CLYBL: variants seen among roughly 807,000 people sequenced by gnomAD.
CLYBL encodes the protein citramalyl-CoA lyase, mitochondrial.
Under a neutral mutation model 38.9 loss-of-function variants are expected in CLYBL, and 31 were observed. The observed-to-expected ratio is 0.80, with a 90% CI of 0.60 to 1.08. The LOEUF (loss-of-function observed/expected upper bound fraction) is 1.08. Among genes scored for constraint, CLYBL ranks in the 50% least tolerant of loss-of-function variants. The probability of loss-of-function intolerance (pLI) is 0.00; values close to 1 mark genes in which losing one functional copy is unlikely to be tolerated. For missense variants in CLYBL, 434 were observed against 411.6 expected (o/e 1.05, Z -0.47); for synonymous variants, 171 against 158.6 (o/e 1.08, Z -0.59).
At chr13:99,715,971 AAAT>A (rs905292800) in intron 1 of CLYBL, among the ~76,000 whole-genome samples, 37 of 152,138 alleles carry the variant, frequency 2.4e-4, no homozygotes, top group Non-Finnish European at 8.8e-5. Flanking sequence ...AAGCGGAGAC[AAAT>A]ACTAATAATA....
chr13:99,748,506 C>G (rs2048897206), intron 1 of CLYBL, among the ~76,000 whole-genome samples: 1 of 122,002 alleles, frequency 8.2e-6, no homozygotes, highest in African/African-American at 3.3e-5. Flanking sequence ...GTGGCACGAT[C>G]TCGGCTCACT....
intron 2 of CLYBL, among the ~76,000 whole-genome samples, chr13:99,821,651 G>A (rs1315526322): frequency 6.6e-6 from 1 of 152,208 alleles, no homozygotes; most frequent in African/African-American, 2.4e-5. Flanking sequence ...GACTCAGGAG[G>A]ACTTAGTTCT....
intron 1 of CLYBL, among the ~76,000 whole-genome samples, chr13:99,686,013 A>T (rs996795642): frequency 6.6e-6 from 1 of 152,142 alleles, no homozygotes; most frequent in African/African-American, 2.4e-5. Context: ...TCCCTGTGAT[A>T]AGAGTGCTGT....
At chr13:99,643,408 T>C (rs1026310849) in intron 1 of CLYBL, among the ~76,000 whole-genome samples, 2 of 152,252 alleles carry the variant, frequency 1.3e-5, no homozygotes, top group Non-Finnish European at 2.9e-5. Flanking sequence ...CCTCAGGTTT[T>C]CTGCCAATAC....
intron 1 of CLYBL, among the ~76,000 whole-genome samples, chr13:99,668,573 G>A (rs1337803158): frequency 6.8e-5 from 8 of 117,232 alleles, no homozygotes; most frequent in African/African-American, 2.4e-4. Context: ...GAGACAGAGC[G>A]AAACTCCATC....
At chr13:99,614,396 C>G (rs2046675648) in intron 1 of CLYBL, among the ~76,000 whole-genome samples, 1 of 152,156 alleles carries the variant, frequency 6.6e-6, no homozygotes, top group African/African-American at 2.4e-5. Context: ...GTATGCACAT[C>G]ATGCAGACCA....
At chr13:99,774,024 G>A (rs1020150922) in intron 2 of CLYBL, among the ~76,000 whole-genome samples, 1 of 151,410 alleles carries the variant, frequency 6.6e-6, no homozygotes, top group Non-Finnish European at 1.5e-5. Context: ...GAGCTCAGGA[G>A]TTTGAGACCA....
intron 1 of CLYBL, among the ~76,000 whole-genome samples, chr13:99,654,804 G>C (rs1221369625): frequency 1.3e-5 from 2 of 152,128 alleles, no homozygotes; most frequent in African/African-American, 4.8e-5. Context: ...AGGAGATCTA[G>C]ACCATCCTGG....
chr13:99,660,582 A>T (rs1404220781), intron 1 of CLYBL, among the ~76,000 whole-genome samples: 2 of 152,178 alleles, frequency 1.3e-5, no homozygotes, highest in African/African-American at 4.8e-5. Flanking sequence ...TAGTCTCTCT[A>T]GTCTTTGATT....
chr13:99,691,430 C>G (rs2047900529), intron 1 of CLYBL, among the ~76,000 whole-genome samples: 1 of 151,972 alleles, frequency 6.6e-6, no homozygotes, highest in East Asian at 1.9e-4. Flanking sequence ...GAATCACTCC[C>G]CATTATCTCT....
intron 2 of CLYBL, among the ~76,000 whole-genome samples, chr13:99,776,651 C>G (rs115548191): frequency 6.6e-6 from 1 of 151,810 alleles, no homozygotes; most frequent in Non-Finnish European, 1.5e-5. Context: ...TTGACATGCA[C>G]ATCATATGAA....
chr13:99,608,599 T>G (rs1006361804), intron 1 of CLYBL, among the ~76,000 whole-genome samples: 1 of 152,062 alleles, frequency 6.6e-6, no homozygotes, highest in Non-Finnish European at 1.5e-5. Flanking sequence ...TGTGACCTGT[T>G]CAGTAGCGGG....
intron 1 of CLYBL, among the ~76,000 whole-genome samples, chr13:99,661,757 T>G (rs1239848276): frequency 1.3e-5 from 2 of 152,246 alleles, no homozygotes; most frequent in Non-Finnish European, 2.9e-5. Flanking sequence ...TGCTATTTTA[T>G]TTCAGGTGGG....
At chr13:99,836,232 T>C (rs2050931237) in intron 2 of CLYBL, among the ~76,000 whole-genome samples, 1 of 151,978 alleles carries the variant, frequency 6.6e-6, no homozygotes, top group Non-Finnish European at 1.5e-5. Context: ...CGTTGGTTGG[T>C]GAGGCGAAGG....
At chr13:99,651,937 GA>G (rs59071319) in intron 1 of CLYBL, among the ~76,000 whole-genome samples, 3 of 151,768 alleles carry the variant, frequency 2.0e-5, no homozygotes, top group Admixed American at 6.6e-5. Flanking sequence ...ATCTTGGGGG[GA>G]AAAAAAGATT....
At chr13:99,703,975 T>C (rs1338213958) in intron 1 of CLYBL, among the ~76,000 whole-genome samples, 1 of 152,194 alleles carries the variant, frequency 6.6e-6, no homozygotes, top group Non-Finnish European at 1.5e-5. Flanking sequence ...AGCTTATGCA[T>C]GTGGAGATAT....
intron 2 of CLYBL, among the ~76,000 whole-genome samples, chr13:99,781,222 G>A (rs556904674): frequency 6.1e-4 from 92 of 151,366 alleles, no homozygotes; most frequent in Admixed American, 1.3e-3. Context: ...GCAGGCTGGA[G>A]TGCAGTGGTG....
chr13:99,753,051 C>T (rs951861231), intron 1 of CLYBL, among the ~76,000 whole-genome samples: 1 of 151,976 alleles, frequency 6.6e-6, no homozygotes, highest in African/African-American at 2.4e-5. Context: ...GTAGGCTGAG[C>T]CTTGAGGGAT....
At chr13:99,770,625 A>G (rs4772243) in intron 1 of CLYBL, among the ~76,000 whole-genome samples, 29,645 of 150,434 alleles carry the variant, frequency 0.2, 2,998 homozygotes, top group East Asian at 0.25. Flanking sequence ...TCTGGTCTCA[A>G]ACTCTCTACC....
Sources: allele counts gnomAD v4.1 joint callset (sites outside exome capture counted in the v4.1 genomes callset), GRCh38; gene constraint gnomAD v4.1.1; transcripts MANE v1.5; gene names NCBI Gene and HGNC (gene_info 2026-07-23, HGNC 2026-07-21).